The following SLC49A4 variants were observed in gnomAD, a reference collection of about 807,000 sequenced individuals.
The protein encoded by SLC49A4 is disrupted in renal cancer protein 2.
A neutral mutation model predicts 50.6 loss-of-function variants in SLC49A4; 36 were observed. The ratio of observed to expected loss-of-function variants is 0.71; its 90% CI spans 0.55 to 0.94. The LOEUF (loss-of-function observed/expected upper bound fraction) is 0.94. SLC49A4 is among the 40% of genes least tolerant of loss of function. The pLI, the probability that SLC49A4 is intolerant of heterozygous loss-of-function variation, is 0.00. For synonymous variants in SLC49A4, 248 were observed against 241.2 expected (o/e 1.03, Z -0.26); for missense variants, 503 against 605.7 (o/e 0.83, Z 1.78).
At chr3:122,810,065 T>G (rs1936278275) in intron 2 of SLC49A4, among the ~76,000 whole-genome samples, 1 of 152,220 alleles carries the variant, frequency 6.6e-6, no homozygotes, top group Non-Finnish European at 1.5e-5. Flanking sequence ...AACAAGCATT[T>G]ACAAGTCTGT....
chr3:122,803,473 C>A (rs1936163482), intron 1 of SLC49A4, among the ~76,000 whole-genome samples: 1 of 152,054 alleles, frequency 6.6e-6, no homozygotes, highest in African/African-American at 2.4e-5. Context: ...AATCTTGAAT[C>A]TTTTGTGTCT....
At chr3:122,800,585 T>C (rs1389678177) in intron 1 of SLC49A4, among the ~76,000 whole-genome samples, 2 of 152,160 alleles carry the variant, frequency 1.3e-5, no homozygotes, top group East Asian at 3.9e-4. Context: ...AGGGGAAAAT[T>C]GATGATGCCG....
chr3:122,844,299 C>T (rs990035453), intron 4 of SLC49A4, among the ~76,000 whole-genome samples: 1 of 152,112 alleles, frequency 6.6e-6, no homozygotes, highest in African/African-American at 2.4e-5. Context: ...TCTTGAACTC[C>T]TGGCCTCAAG....
chr3:122,804,426 T>C (rs1560192681), intron 1 of SLC49A4, among the ~76,000 whole-genome samples: 1 of 152,194 alleles, frequency 6.6e-6, no homozygotes, highest in Non-Finnish European at 1.5e-5. Flanking sequence ...ATACCCAAAC[T>C]ATATTAGGCT....
Position 122,795,141 on chromosome 3 carries a change from C to G in SLC49A4, c.-52C>G. 7.7e-7 allele frequency: 1 copy of G among 1,300,812 alleles called. No homozygotes were observed. The allele number at this position is 1,300,812 out of a possible 1,614,324, so 80.6% of individuals were successfully genotyped here. On this transcript the variant is annotated 5_prime_UTR_variant, in exon 1 of 9. Transcript: ENST00000261038. ...CAGGACTATTCTGCGCTGGGCTAGT[C>G]GGCGGTGACCCGGACTGCGCCCGGC...
intron 2 of SLC49A4, among the ~76,000 whole-genome samples, chr3:122,813,263 T>G (rs1332302969): frequency 6.6e-6 from 1 of 151,748 alleles, no homozygotes; most frequent in Admixed American, 6.6e-5. Flanking sequence ...AAAAGCTGTG[T>G]AAAATTGTCT....
At chr3:122,824,343 C>T (rs1344287774) in intron 2 of SLC49A4, among the ~76,000 whole-genome samples, 1 of 152,094 alleles carries the variant, frequency 6.6e-6, no homozygotes, top group Non-Finnish European at 1.5e-5. Flanking sequence ...CGTACTGTAT[C>T]GTAGTGAGAA....
At chr3:122,843,585 A>G (rs2107572952) in intron 4 of SLC49A4, among the ~76,000 whole-genome samples, 4 of 152,320 alleles carry the variant, frequency 2.6e-5, no homozygotes, top group Admixed American at 2.6e-4. Flanking sequence ...CATTAGGGCC[A>G]CACATTGCAA....
intron 7 of SLC49A4, among the ~76,000 whole-genome samples, chr3:122,863,109 A>G (rs1017754463): frequency 2.6e-5 from 4 of 152,198 alleles, no homozygotes; most frequent in African/African-American, 9.7e-5. Context: ...GTTGTTTTCA[A>G]TTGCAAGTAA....
chr3:122,870,282 C>T (rs1937180250), intron 7 of SLC49A4, among the ~76,000 whole-genome samples: 1 of 151,906 alleles, frequency 6.6e-6, no homozygotes, highest in Non-Finnish European at 1.5e-5. Flanking sequence ...GTTTTAAACT[C>T]TTAGGCTCAT....
chr3:122,862,172 G>A (rs545145619), intron 7 of SLC49A4, among the ~76,000 whole-genome samples: 6 of 152,216 alleles, frequency 3.9e-5, no homozygotes, highest in Admixed American at 3.3e-4. Flanking sequence ...CAGCTTATGA[G>A]TATTATTTTT....
At chr3:122,872,692 C>A in intron 8 of SLC49A4, 95 bp downstream of exon 8, 3 of 812,538 alleles carry the variant, frequency 3.7e-6, no homozygotes, top group Non-Finnish European at 3.7e-6. Flanking sequence ...GAAGTCTCAC[C>A]AAGGCAAATT....
At chr3:122,802,352 T>A (rs1390977502) in intron 1 of SLC49A4, among the ~76,000 whole-genome samples, 1 of 151,962 alleles carries the variant, frequency 6.6e-6, no homozygotes, top group Non-Finnish European at 1.5e-5. Flanking sequence ...GAGACGGAGG[T>A]GAGAATTCAA....
intron 8 of SLC49A4, among the ~76,000 whole-genome samples, chr3:122,872,919 A>G (rs1049427094): frequency 6.6e-6 from 1 of 151,758 alleles, no homozygotes; most frequent in African/African-American, 2.4e-5. Context: ...TGATTCAAAT[A>G]TGTAGATTCT....
chr3:122,871,890 A>G (rs1424469627), intron 7 of SLC49A4, among the ~76,000 whole-genome samples: 1 of 152,168 alleles, frequency 6.6e-6, no homozygotes, highest in Non-Finnish European at 1.5e-5. Flanking sequence ...ACTTATTTAA[A>G]AAAAATGTTG....
chr3:122,872,160 T>C (rs1353983780), intron 7 of SLC49A4, among the ~76,000 whole-genome samples: 1 of 152,192 alleles, frequency 6.6e-6, no homozygotes, highest in African/African-American at 2.4e-5. Context: ...AATTGTTTTG[T>C]GCTCTGGAAT....
intron 2 of SLC49A4, among the ~76,000 whole-genome samples, chr3:122,817,402 A>G (rs1394136250): frequency 1.3e-5 from 2 of 152,092 alleles, no homozygotes; most frequent in Non-Finnish European, 2.9e-5. Context: ...CAACACCTTG[A>G]TTTTAGCCCT....
intron 6 of SLC49A4, among the ~76,000 whole-genome samples, chr3:122,858,887 C>T (rs919809296): frequency 1.3e-5 from 2 of 152,146 alleles, no homozygotes; most frequent in Non-Finnish European, 2.9e-5. Context: ...TTTGGCATAG[C>T]TAATGATAAG....
At chr3:122,864,211 C>T (rs1295446329) in intron 7 of SLC49A4, among the ~76,000 whole-genome samples, 1 of 152,158 alleles carries the variant, frequency 6.6e-6, no homozygotes, top group East Asian at 1.9e-4. Context: ...CTCTTGGATG[C>T]TTTTCCTTAG....
Sources: gnomAD v4.1 joint callset for allele counts (sites outside exome capture counted in the v4.1 genomes callset) on GRCh38, gnomAD v4.1.1 for gene constraint, MANE v1.5 for transcripts, NCBI Gene and HGNC (gene_info 2026-07-23, HGNC 2026-07-21) for gene names.